SAMD12: variants seen among roughly 807,000 people sequenced by gnomAD.
SAMD12 encodes sterile alpha motif domain containing 12, also known as sterile alpha motif domain-containing protein 12.
SAMD12 carries 9 observed loss-of-function variants against 15.0 expected under a neutral mutation model. The ratio of observed to expected loss-of-function variants is 0.60; its 90% CI spans 0.36 to 1.05. The LOEUF (loss-of-function observed/expected upper bound fraction) is 1.05, where lower values mean the gene tolerates loss of function less well. SAMD12 is among the 50% of genes least tolerant of loss of function. The pLI, the probability that SAMD12 is intolerant of heterozygous loss-of-function variation, is 0.01. For synonymous variants in SAMD12, 86 were observed against 90.1 expected (o/e 0.96, Z 0.25); for missense variants, 230 against 234.2 (o/e 0.98, Z 0.12).
intron 4 of SAMD12, chr8:118,291,188 C>T (rs1814343978): frequency 6.6e-6 from 1 of 152,204 alleles, no homozygotes; most frequent in Admixed American, 6.5e-5. Context: ...TATCTTTATA[C>T]ATACACCTTT....
intron 4 of SAMD12, among the ~76,000 whole-genome samples, chr8:118,224,766 T>C (rs988765445): frequency 6.6e-6 from 1 of 152,230 alleles, no homozygotes; most frequent in African/African-American, 2.4e-5. Context: ...CTCCTTGGGA[T>C]ATTGATGTTA....
chr8:118,278,827 G>A (rs1813534343), intron 4 of SAMD12, among the ~76,000 whole-genome samples: 1 of 152,156 alleles, frequency 6.6e-6, no homozygotes, highest in African/African-American at 2.4e-5. Context: ...ACAAAGCGAA[G>A]GGAAGTAAAG....
chr8:118,521,068 G>C (rs1157543741), intron 2 of SAMD12, among the ~76,000 whole-genome samples: 1 of 152,152 alleles, frequency 6.6e-6, no homozygotes. Context: ...ATGCCATCTA[G>C]TCCATGTCAG....
chr8:118,377,369 G>T (rs1391638008), downstream of SAMD12, among the ~76,000 whole-genome samples: 1 of 152,126 alleles, frequency 6.6e-6, no homozygotes, highest in African/African-American at 2.4e-5. Flanking sequence ...CTGCACTCCA[G>T]CTGGGGCAAC....
intron 4 of SAMD12, among the ~76,000 whole-genome samples, chr8:118,225,539 CCTAA>C (rs1179404172): frequency 4.6e-5 from 7 of 152,076 alleles, no homozygotes; most frequent in Non-Finnish European, 8.8e-5. Context: ...TCATTAAGTA[CCTAA>C]CTGTTTGCAG....
intron 2 of SAMD12, among the ~76,000 whole-genome samples, chr8:118,492,064 A>T (rs1194854865): frequency 6.7e-6 from 1 of 149,526 alleles, no homozygotes; most frequent in Non-Finnish European, 1.5e-5. Context: ...ATCATTTTAC[A>T]TTCTCACTCG....
chr8:118,299,399 T>A (rs923498601), intron 4 of SAMD12, among the ~76,000 whole-genome samples: 1 of 152,200 alleles, frequency 6.6e-6, no homozygotes, highest in Admixed American at 6.5e-5. Context: ...GCAGGCTCTC[T>A]GCTCTCAACA....
intron 1 of SAMD12, among the ~76,000 whole-genome samples, chr8:118,583,974 A>G (rs1319143068): frequency 6.6e-6 from 1 of 152,194 alleles, no homozygotes; most frequent in Non-Finnish European, 1.5e-5. Context: ...CATTAAGGAA[A>G]CACTTGTTCA....
chr8:118,376,391 G>T (rs1378608477), downstream of SAMD12, among the ~76,000 whole-genome samples: 1 of 152,054 alleles, frequency 6.6e-6, no homozygotes, highest in African/African-American at 2.4e-5. Context: ...TCATGTATGG[G>T]ATTGGTGCTC....
intron 4 of SAMD12, among the ~76,000 whole-genome samples, chr8:118,291,728 A>G (rs1450539341): frequency 2.0e-5 from 3 of 151,652 alleles, no homozygotes; most frequent in Non-Finnish European, 4.4e-5. Flanking sequence ...GAGGAACATG[A>G]AAGACCCATG....
At chr8:118,558,188 C>T (rs146968253) in intron 2 of SAMD12, among the ~76,000 whole-genome samples, 1 of 152,184 alleles carries the variant, frequency 6.6e-6, no homozygotes, top group East Asian at 1.9e-4. Context: ...AAACTTTTTG[C>T]CTTGTATGCA....
intron 4 of SAMD12, among the ~76,000 whole-genome samples, chr8:118,335,234 C>T (rs1004892823): frequency 2.6e-5 from 4 of 152,176 alleles, no homozygotes; most frequent in African/African-American, 9.7e-5. Context: ...GCAATGCTCC[C>T]AATGTGGCTC....
intron 4 of SAMD12, among the ~76,000 whole-genome samples, chr8:118,220,939 T>C (rs766940604): frequency 5.9e-5 from 9 of 151,936 alleles, no homozygotes; most frequent in Non-Finnish European, 1.0e-4. Flanking sequence ...GTGGGGGACA[T>C]ATTGTCCATT....
chr8:118,449,815 A>AC (rs200832968), intron 2 of SAMD12, among the ~76,000 whole-genome samples: 13,529 of 138,418 alleles, frequency 0.098, 713 homozygotes, highest in African/African-American at 0.13. Flanking sequence ...AAAAAAAAAA[A>AC]AACAACAAAA....
chr8:118,298,620 G>A (rs1814854030), intron 4 of SAMD12, among the ~76,000 whole-genome samples: 1 of 152,114 alleles, frequency 6.6e-6, no homozygotes, highest in Non-Finnish European at 1.5e-5. Flanking sequence ...CTTTTACCAA[G>A]GGATTCACCT....
chr8:118,581,477 A>G (rs1221300805), intron 1 of SAMD12, among the ~76,000 whole-genome samples: 1 of 152,176 alleles, frequency 6.6e-6, no homozygotes, highest in Admixed American at 6.6e-5. Flanking sequence ...AGGACTGGTG[A>G]TTTTCAAACA....
intron 4 of SAMD12, among the ~76,000 whole-genome samples, chr8:118,292,843 C>G (rs1338056021): frequency 1.4e-5 from 2 of 139,802 alleles, no homozygotes; most frequent in African/African-American, 2.7e-5. Context: ...TAGGTGGGAA[C>G]TGAACAATGA....
At chr8:118,441,527 G>T (rs1434498509) in intron 2 of SAMD12, among the ~76,000 whole-genome samples, 1 of 151,844 alleles carries the variant, frequency 6.6e-6, no homozygotes, top group Non-Finnish European at 1.5e-5. Flanking sequence ...TCACAATGCT[G>T]ATCACTTTTT....
chr8:118,494,669 G>T (rs180779746), intron 2 of SAMD12, among the ~76,000 whole-genome samples: 2 of 151,480 alleles, frequency 1.3e-5, no homozygotes, highest in African/African-American at 4.8e-5. Context: ...ATCATTAAAT[G>T]TCTTGATTCT....
Sources: allele counts gnomAD v4.1 joint callset (sites outside exome capture counted in the v4.1 genomes callset), GRCh38; gene constraint gnomAD v4.1.1; transcripts MANE v1.5; gene names NCBI Gene and HGNC (gene_info 2026-07-23, HGNC 2026-07-21).